The following PKD2L1 variants were observed in gnomAD, a reference collection of about 807,000 sequenced individuals.
PKD2L1 encodes polycystin-2-like protein 1.
PKD2L1 carries 77 observed loss-of-function variants against 93.0 expected under a neutral mutation model. The observed-to-expected ratio is 0.83, with a 90% CI of 0.69 to 1.00. PKD2L1 has a LOEUF of 1.00. Ranked by LOEUF, PKD2L1 falls within the 50% of genes least tolerant of loss-of-function variation. The pLI, the probability that PKD2L1 is intolerant of heterozygous loss-of-function variation, is 0.00. For synonymous variants in PKD2L1, 390 were observed against 388.0 expected (o/e 1.01, Z -0.06); for missense variants, 977 against 990.9 (o/e 0.99, Z 0.19).
rs76223080 is a variant in PKD2L1 at position 100,292,789 on chromosome 10, G to C, written c.1880+159C>G. Among the ~76,000 whole-genome samples, 340 of 152,260 alleles carry C rather than the reference G, an allele frequency of 2.2e-3. 1 individual carries two copies. The East Asian group carries it at 0.03, about 14-fold the overall frequency. ...TTTAAACCAAGGGCACAGTTCTGAAGGTCAGGAGCGGAGACCTACGGGCAA... is the reference window on the plus strand; with the variant it reads ...TTTAAACCAAGGGCACAGTTCTGAACGTCAGGAGCGGAGACCTACGGGCAA... On this transcript the variant is annotated intron_variant, in intron 11 of 15. Coordinates refer to ENST00000318222, the MANE Select transcript of PKD2L1 (RefSeq NM_016112.3).
At chr10:100,320,009 G>A (rs1011204321) in intron 2 of PKD2L1, among the ~76,000 whole-genome samples, 1 of 152,206 alleles carries the variant, frequency 6.6e-6, no homozygotes, top group East Asian at 1.9e-4. Flanking sequence ...GGGCCCAGTG[G>A]GAAGGGAGAG....
At chr10:100,295,227 CA>C in intron 7 of PKD2L1, 104 bp from the exon 8 acceptor site, 1 of 827,824 alleles carries the variant, frequency 1.2e-6, no homozygotes. Flanking sequence ...CCAAGCCAGA[CA>C]AAGAAAATGA....
chr10:100,301,976 C>T (rs1848689258), intron 2 of PKD2L1, among the ~76,000 whole-genome samples: 2 of 152,166 alleles, frequency 1.3e-5, no homozygotes, highest in African/African-American at 4.8e-5. Context: ...GCTGGGATTA[C>T]AGGCATATGC....
chr10:100,290,327 G>A (rs1430697484), intron 13 of PKD2L1, 74 bp downstream of exon 13: 4 of 1,290,700 alleles, frequency 3.1e-6, no homozygotes, highest in Non-Finnish European at 4.4e-6. Context: ...GGAAAGTTGT[G>A]GGAAAAGTAC....
chr10:100,314,962 AGAAGGAAGGAAGGAAGGAAG>A (rs1237204940), intron 2 of PKD2L1, among the ~76,000 whole-genome samples: 817 of 33,088 alleles, frequency 0.025, 43 homozygotes, highest in South Asian at 0.04. Context: ...AAAGAAAGAA[AGAAGGAAGGAAGGAAGGAAG>A]GAAGGAAGGA....
intron 2 of PKD2L1, among the ~76,000 whole-genome samples, chr10:100,321,757 AGGGAGGG>A (rs1564894556): frequency 0.032 from 10 of 316 alleles, 1 homozygote; most frequent in South Asian, 0.17. Flanking sequence ...GAAAGAAAGA[AGGGAGGG>A]AGGGAGGGAG....
chr10:100,310,024 G>A (rs1337339721), intron 2 of PKD2L1, among the ~76,000 whole-genome samples: 1 of 152,268 alleles, frequency 6.6e-6, no homozygotes, highest in East Asian at 1.9e-4. Context: ...CATTTCTGAG[G>A]AAAAGAGAGC....
Position 100,295,072 on chromosome 10 carries a change from G to T in PKD2L1, c.1408C>A (p.Leu470Met), listed in dbSNP as rs769382023. 6.2e-6 allele frequency: 10 copies of T among 1,614,180 alleles called. No individual in the cohort carries two copies. Among genetic ancestry groups the T allele is most frequent in the Non-Finnish European group, 7.6e-6 (9 of 1,179,994 alleles). The change falls in exon 8 of 16, where the codon CTG becomes ATG. Residue 470 changes from leucine (L) to methionine (M), a missense_variant. Leu to Met is a conservative substitution (Grantham distance 15). Transcript: ENST00000318222. The stretch of plus-strand genomic sequence containing the variant: ...AGGATGTCCTTGGCACAGCGGGCCA[G>T]CGTGGAGGAGAGCTGGGTCATGGTT... The part of the protein sequence containing the change: ...NKTMTQLSST[L>M]ARCAKDILGF...
chr10:100,325,422 A>G (rs1849356255), intron 2 of PKD2L1, among the ~76,000 whole-genome samples: 1 of 152,114 alleles, frequency 6.6e-6, no homozygotes, highest in Non-Finnish European at 1.5e-5. Flanking sequence ...GCCTGAAAAT[A>G]TGTCTGAAAG....
chr10:100,327,286 C>T (rs747955963), intron 2 of PKD2L1, among the ~76,000 whole-genome samples: 5 of 152,200 alleles, frequency 3.3e-5, no homozygotes, highest in Non-Finnish European at 7.3e-5. Context: ...AAGGATTCCA[C>T]GTATTCTGCA....
chr10:100,301,544 C>T (rs1003982648), intron 2 of PKD2L1, among the ~76,000 whole-genome samples: 3 of 151,918 alleles, frequency 2.0e-5, no homozygotes, highest in Admixed American at 6.6e-5. Flanking sequence ...TTATCTTACC[C>T]GTTTTCAGTA....
At chr10:100,329,746 C>A in intron 1 of PKD2L1, 123 bp downstream of exon 1, 2 of 697,828 alleles carry the variant, frequency 2.9e-6, no homozygotes, top group South Asian at 3.6e-5. Flanking sequence ...TCATACACCC[C>A]AAAGTGACAC....
intron 2 of PKD2L1, among the ~76,000 whole-genome samples, chr10:100,310,583 CAT>C (rs1564889317): frequency 6.6e-6 from 1 of 152,138 alleles, no homozygotes; most frequent in African/African-American, 2.4e-5. Context: ...CACATTTATA[CAT>C]GTGTGTGCAG....
intron 2 of PKD2L1, among the ~76,000 whole-genome samples, chr10:100,305,999 G>A (rs562524350): frequency 2.0e-4 from 31 of 152,064 alleles, no homozygotes; most frequent in Non-Finnish European, 4.0e-4. Context: ...CCTGGGCAAC[G>A]TGGCAAGATC....
At chr10:100,304,481 TTTTATC>T (rs1248412388) in intron 2 of PKD2L1, among the ~76,000 whole-genome samples, 1 of 151,002 alleles carries the variant, frequency 6.6e-6, no homozygotes, top group Non-Finnish European at 1.5e-5. Flanking sequence ...TCACGGTTTC[TTTTATC>T]TTTATCTTTT....
chr10:100,295,200 G>A (rs1213033925), intron 7 of PKD2L1, 77 bp from the exon 8 acceptor site: 2 of 1,124,942 alleles, frequency 1.8e-6, no homozygotes, highest in Admixed American at 2.2e-5. Flanking sequence ...AAGGGCCTAT[G>A]GAGGCCACAG....
intron 9 of PKD2L1, 107 bp from the exon 10 acceptor site, chr10:100,293,486 C>G: frequency 1.4e-6 from 1 of 731,248 alleles, no homozygotes; most frequent in East Asian, 2.6e-5. Flanking sequence ...GGGGTCAGTG[C>G]TCTCAACCCC....
At chr10:100,314,962 A>AGAAG (rs1237204940) in intron 2 of PKD2L1, among the ~76,000 whole-genome samples, 42 of 33,106 alleles carry the variant, frequency 1.3e-3, no homozygotes, top group East Asian at 5.8e-3. Flanking sequence ...AAAGAAAGAA[A>AGAAG]GAAGGAAGGA....
At chr10:100,293,197 A>G in intron 10 of PKD2L1, 84 bp downstream of exon 10, 1 of 1,535,450 alleles carries the variant, frequency 6.5e-7, no homozygotes, top group Non-Finnish European at 9.0e-7. Context: ...CAGGCACCTC[A>G]ATCAGTCAGG....
Sources: allele counts gnomAD v4.1 joint callset (sites outside exome capture counted in the v4.1 genomes callset), GRCh38; gene constraint gnomAD v4.1.1; transcripts MANE v1.5; gene names NCBI Gene and HGNC (gene_info 2026-07-23, HGNC 2026-07-21).